Variants in INSL6 observed in about 807,000 individuals in gnomAD.
The protein encoded by INSL6 is insulin-like peptide INSL6.
Under a neutral mutation model 9.4 loss-of-function variants are expected in INSL6, and 16 were observed. The observed-to-expected ratio is 1.70, with a 90% CI of 1.15 to 2.59. The LOEUF (loss-of-function observed/expected upper bound fraction) is 2.59. Among genes scored for constraint, INSL6 ranks in the 30% most tolerant of loss-of-function variants. The pLI is 0.00. For missense variants in INSL6, 391 were observed against 257.3 expected, an observed-to-expected ratio of 1.52 and a Z score of -3.56; for synonymous variants, 154 against 96.9, an observed-to-expected ratio of 1.59 and a Z score of -3.46.
At chr9:5,013,707 A>C in the INSL6 span, among the ~76,000 whole-genome samples, 1 of 152,122 alleles carries the variant, frequency 6.6e-6, no homozygotes, top group Non-Finnish European at 1.5e-5. Flanking sequence ...GTTGTGTGAA[A>C]CTTCTAAAAC....
the INSL6 span, among the ~76,000 whole-genome samples, chr9:5,092,367 C>T: frequency 7.2e-5 from 11 of 152,030 alleles, no homozygotes; most frequent in African/African-American, 2.4e-4. Context: ...GGAGATAAGT[C>T]GTAATATGGT....
At position 5,153,370 on chromosome 9, in the gene INSL6, A is replaced by C. The variant is rs577127567; in HGVS notation, c.376+10809T>G. Among the ~76,000 whole-genome samples, 3 of 152,286 alleles carry C rather than the reference A, an allele frequency of 2.0e-5. No homozygotes were observed. The East Asian group carries it at 5.8e-4, about 29-fold the overall frequency. On this transcript the variant is annotated intron_variant, in intron 2 of 3. Transcript: ENST00000649639. Reference sequence around the variant, plus strand: ...CTTGGTGCACGGAGGAGCATCCGCCATTGCTGAGGCTTGAGTAGGTGGTTT... The same window carrying C: ...CTTGGTGCACGGAGGAGCATCCGCCCTTGCTGAGGCTTGAGTAGGTGGTTT...
chr9:5,066,666 C>G, the INSL6 span: 1 of 1,460,792 alleles, frequency 6.8e-7, no homozygotes, highest in Non-Finnish European at 9.6e-7. Flanking sequence ...ATTGCTTCTT[C>G]TTTACCTTTA....
At chr9:5,118,946 A>G (rs1289660873), downstream of INSL6, among the ~76,000 whole-genome samples, 1 of 152,190 alleles carries the variant, frequency 6.6e-6, no homozygotes, top group Non-Finnish European at 1.5e-5. Context: ...TATACCAAAA[A>G]GCTTTTAAAA....
At chr9:5,139,656 T>C (rs969014882) in intron 2 of INSL6, among the ~76,000 whole-genome samples, 2 of 152,176 alleles carry the variant, frequency 1.3e-5, no homozygotes, top group African/African-American at 2.4e-5. Flanking sequence ...AGAGATTTAG[T>C]TGAAACCATT....
At chr9:5,160,814 T>C (rs965686081), downstream of INSL6, among the ~76,000 whole-genome samples, 6 of 152,110 alleles carry the variant, frequency 3.9e-5, no homozygotes, top group Admixed American at 3.9e-4. Flanking sequence ...TGAGCAACTA[T>C]ATGCCAAAAA....
chr9:5,086,848 C>T, the INSL6 span, among the ~76,000 whole-genome samples: 1 of 152,140 alleles, frequency 6.6e-6, no homozygotes, highest in East Asian at 1.9e-4. Context: ...TAGAGAGCTT[C>T]TCATAGAGCA....
At chr9:5,162,015 G>A (rs1381485459), downstream of INSL6, among the ~76,000 whole-genome samples, 1 of 151,962 alleles carries the variant, frequency 6.6e-6, no homozygotes, top group East Asian at 1.9e-4. Context: ...GGAGGTTGAG[G>A]GTGTAGTGAG....
intron 1 of INSL6, among the ~76,000 whole-genome samples, chr9:5,184,527 T>C (rs1825526874): frequency 6.6e-6 from 1 of 152,242 alleles, no homozygotes; most frequent in African/African-American, 2.4e-5. Flanking sequence ...TGCGATGTGC[T>C]AGGCCATCTG....
chr9:4,993,958 G>A, the INSL6 span, among the ~76,000 whole-genome samples: 1 of 152,180 alleles, frequency 6.6e-6, no homozygotes, highest in African/African-American at 2.4e-5. Flanking sequence ...GATCATGTAT[G>A]GATGAGTGTG....
At chr9:5,156,153 A>C (rs1400008403) in intron 2 of INSL6, among the ~76,000 whole-genome samples, 4 of 152,124 alleles carry the variant, frequency 2.6e-5, no homozygotes, top group African/African-American at 9.7e-5. Flanking sequence ...AAAAAAGGCC[A>C]AATGAACTTA....
At chr9:5,023,723 A>T in the INSL6 span, among the ~76,000 whole-genome samples, 80 of 152,252 alleles carry the variant, frequency 5.3e-4, 1 homozygote, top group African/African-American at 1.8e-3. Context: ...CTCTTGGATA[A>T]TCTACTCAAA....
chr9:5,130,614 T>C (rs982543053), intron 3 of INSL6, among the ~76,000 whole-genome samples: 1 of 152,186 alleles, frequency 6.6e-6, no homozygotes, highest in Non-Finnish European at 1.5e-5. Flanking sequence ...ACACAGATAA[T>C]TAAGTACATG....
chr9:5,161,917 C>CA (rs139269439), downstream of INSL6, among the ~76,000 whole-genome samples: 9 of 151,524 alleles, frequency 5.9e-5, no homozygotes, highest in African/African-American at 1.2e-4. Flanking sequence ...TCTGTCTCTA[C>CA]AAAAAAAATA....
the INSL6 span, among the ~76,000 whole-genome samples, chr9:5,079,896 T>G: frequency 1.3e-5 from 2 of 152,098 alleles, no homozygotes; most frequent in Non-Finnish European, 2.9e-5. Flanking sequence ...TGAGACACTA[T>G]GGTTTAATGG....
chr9:5,126,966 A>G, intron 3 of INSL6: 1 of 384,794 alleles, frequency 2.6e-6, no homozygotes, highest in South Asian at 5.7e-5. Flanking sequence ...TTTCTTCATG[A>G]GGCCACCAGT....
chr9:5,157,728 T>A (rs1454983971), intron 2 of INSL6, among the ~76,000 whole-genome samples: 2 of 152,058 alleles, frequency 1.3e-5, no homozygotes. Flanking sequence ...GACGGACTGG[T>A]ACAAATAAAC....
the INSL6 span, among the ~76,000 whole-genome samples, chr9:5,000,683 G>A: frequency 6.6e-6 from 1 of 151,980 alleles, no homozygotes. Context: ...TTTAGTGGAA[G>A]GTTTTAATAC....
the INSL6 span, chr9:5,090,516 T>C: frequency 1.9e-6 from 3 of 1,594,624 alleles, no homozygotes; most frequent in Non-Finnish European, 2.6e-6. Flanking sequence ...TTCAAAAACA[T>C]AAAGAACGGA....
Sources: gnomAD v4.1 joint callset for allele counts (sites outside exome capture counted in the v4.1 genomes callset) on GRCh38, gnomAD v4.1.1 for gene constraint, MANE v1.5 for transcripts, NCBI Gene and HGNC (gene_info 2026-07-23, HGNC 2026-07-21) for gene names.